ATP11A: variants seen among roughly 807,000 people sequenced by gnomAD.
ATP11A encodes ATPase phospholipid transporting 11A.
In ATP11A, 81 loss-of-function variants were observed where a neutral mutation model predicts 154.4. The ratio of observed to expected loss-of-function variants is 0.52; its 90% CI spans 0.44 to 0.63. ATP11A has a LOEUF of 0.63. Among genes scored for constraint, ATP11A ranks in the 30% least tolerant of loss-of-function variants. ATP11A has a pLI of 0.00. For missense variants in ATP11A, 1,316 were observed against 1,474.3 expected (o/e 0.89, Z 1.76); for synonymous variants, 623 against 585.9 (o/e 1.06, Z -0.91).
intron 2 of ATP11A, among the ~76,000 whole-genome samples, chr13:112,802,819 G>T (rs1414946218): frequency 6.6e-6 from 1 of 152,116 alleles, no homozygotes; most frequent in African/African-American, 2.4e-5. Context: ...ACAGTTAAGA[G>T]AATTAAAATA....
At chr13:112,761,125 T>G (rs2076952237) in intron 1 of ATP11A, among the ~76,000 whole-genome samples, 1 of 152,078 alleles carries the variant, frequency 6.6e-6, no homozygotes, top group African/African-American at 2.4e-5. Flanking sequence ...CCCACCCCCC[T>G]TATGGCCTCT....
At chr13:112,858,870 G>C (rs2080015152) in intron 22 of ATP11A, 1 of 160,818 alleles carries the variant, frequency 6.2e-6, no homozygotes, top group African/African-American at 2.4e-5. Flanking sequence ...ACTTTATCAT[G>C]GGTGTGTATG....
intron 1 of ATP11A, among the ~76,000 whole-genome samples, chr13:112,757,492 TTTCCACA>T (rs1566435737): frequency 6.8e-6 from 1 of 148,144 alleles, no homozygotes; most frequent in Non-Finnish European, 1.5e-5. Context: ...AGCTTCTCTA[TTTCCACA>T]TTTTACTTTG....
chr13:112,793,130 C>T (rs1228555795), intron 2 of ATP11A, among the ~76,000 whole-genome samples: 1 of 152,196 alleles, frequency 6.6e-6, no homozygotes, highest in East Asian at 1.9e-4. Flanking sequence ...AGTCATGTGC[C>T]TGAGGCCACA....
chr13:112,773,816 G>A (rs780340274), intron 1 of ATP11A, among the ~76,000 whole-genome samples: 1 of 152,230 alleles, frequency 6.6e-6, no homozygotes, highest in Non-Finnish European at 1.5e-5. Flanking sequence ...TGGGTGACGC[G>A]CATCACGGGG....
In ATP11A at chr13:112,865,170, C is replaced by T. The variant is rs61961589; in HGVS notation, c.2991+2595C>T. Among the ~76,000 whole-genome samples, 39 of 83,154 alleles carry T rather than the reference C, an allele frequency of 4.7e-4. 1 individual carries two copies. Among genetic ancestry groups the T allele is most frequent in the East Asian group, 8.2e-4 (2 of 2,438 alleles). The allele number at this position is 83,154 out of a possible 152,430, so 54.6% of individuals were successfully genotyped here. ...ATTCAGTGCAGGCCCGCGCAGCTTCCCAGCGGGGTCCATCACCACCTGCGC... is the reference window on the plus strand; with the variant it reads ...ATTCAGTGCAGGCCCGCGCAGCTTCTCAGCGGGGTCCATCACCACCTGCGC... On this transcript the variant is annotated intron_variant, in intron 25 of 29. Transcript: ENST00000375645.
intron 1 of ATP11A, chr13:112,717,198 T>TGC (rs771038812): frequency 6.6e-6 from 1 of 152,228 alleles, no homozygotes; most frequent in Non-Finnish European, 1.5e-5. Context: ...AAATTTAAAA[T>TGC]GCAAATATGG....
intron 28 of ATP11A, among the ~76,000 whole-genome samples, chr13:112,877,007 G>A (rs1476319277): frequency 2.6e-5 from 4 of 152,230 alleles, no homozygotes; most frequent in Non-Finnish European, 5.9e-5. Flanking sequence ...ACCAGTTCCC[G>A]GCACTCCCTC....
chr13:112,836,809 CATG>C (rs2079247740), intron 16 of ATP11A, among the ~76,000 whole-genome samples: 1 of 152,228 alleles, frequency 6.6e-6, no homozygotes, highest in Non-Finnish European at 1.5e-5. Flanking sequence ...CTGTGGCCGC[CATG>C]ATGTTTTGGT....
At chr13:112,791,103 T>C (rs938410489) in intron 2 of ATP11A, among the ~76,000 whole-genome samples, 3 of 152,186 alleles carry the variant, frequency 2.0e-5, no homozygotes, top group Non-Finnish European at 2.9e-5. Flanking sequence ...TCCAAGCTTA[T>C]ATGTACTTCA....
intron 17 of ATP11A, among the ~76,000 whole-genome samples, chr13:112,846,788 G>T (rs1223593996): frequency 6.6e-6 from 1 of 152,214 alleles, no homozygotes; most frequent in East Asian, 1.9e-4. Context: ...GTGTGGCTGA[G>T]TTCCTGGGAA....
In ATP11A at chr13:112,740,336, G is replaced by A. The variant is rs4907751; in HGVS notation, c.40-44799G>A. The stretch of plus-strand genomic sequence containing the variant: ...GGATTACTGGCGCACCACCACACCC[G>A]GCTAATTTTGTATTTTTAGTAGAGA... On this transcript the variant is annotated intron_variant, in intron 1 of 29. Transcript: ENST00000375645. 1.0e-2 allele frequency among the ~76,000 whole-genome samples: 1,517 copies of A among 152,030 alleles called. 25 individuals carry two copies. The highest frequency in any genetic ancestry group is 0.032 in the African/African-American group (1,313 of 41,464).
intron 1 of ATP11A, among the ~76,000 whole-genome samples, chr13:112,765,953 C>T (rs1231946066): frequency 2.6e-5 from 4 of 152,248 alleles, no homozygotes; most frequent in Non-Finnish European, 4.4e-5. Context: ...GGCCGGTGTC[C>T]GGCGTTGATC....
chr13:112,738,023 A>T (rs1363518575), intron 1 of ATP11A, among the ~76,000 whole-genome samples: 1 of 152,102 alleles, frequency 6.6e-6, no homozygotes, highest in Non-Finnish European at 1.5e-5. Context: ...AGCACTCAAC[A>T]TTCCCATATC....
chr13:112,812,947 G>A (rs2078543664), intron 5 of ATP11A, among the ~76,000 whole-genome samples: 1 of 152,186 alleles, frequency 6.6e-6, no homozygotes, highest in South Asian at 2.1e-4. Context: ...CATACTTGTA[G>A]CTAAACATCT....
chr13:112,798,943 A>C (rs903191699), intron 2 of ATP11A, among the ~76,000 whole-genome samples: 2 of 152,250 alleles, frequency 1.3e-5, no homozygotes, highest in African/African-American at 4.8e-5. Context: ...AAATATAAAA[A>C]CACGGGTTTA....
chr13:112,860,152 A>G, intron 23 of ATP11A, 135 bp from the exon 24 acceptor site: 1 of 957,102 alleles, frequency 1.0e-6, no homozygotes, highest in Non-Finnish European at 1.5e-6. Flanking sequence ...CACAGACCCT[A>G]GTTTATATTG....
chr13:112,817,993 AT>A (rs2078689322), intron 6 of ATP11A, among the ~76,000 whole-genome samples: 1 of 152,218 alleles, frequency 6.6e-6, no homozygotes, highest in Non-Finnish European at 1.5e-5. Context: ...GGACAACCCT[AT>A]CTCTCAGGGG....
chr13:112,743,758 A>G (rs1891810688), intron 1 of ATP11A, among the ~76,000 whole-genome samples: 2 of 152,244 alleles, frequency 1.3e-5, no homozygotes, highest in African/African-American at 4.8e-5. Context: ...GCTTAAGGTA[A>G]CCTATACAGC....
Sources: gnomAD v4.1 joint callset for allele counts (sites outside exome capture counted in the v4.1 genomes callset) on GRCh38, gnomAD v4.1.1 for gene constraint, MANE v1.5 for transcripts, NCBI Gene and HGNC (gene_info 2026-07-23, HGNC 2026-07-21) for gene names.